Variants in SPATS2L observed in about 807,000 individuals in gnomAD.
The protein encoded by SPATS2L is spermatogenesis associated serine rich 2 like.
SPATS2L carries 30 observed loss-of-function variants against 59.6 expected under a neutral mutation model. The ratio of observed to expected loss-of-function variants is 0.50; its 90% CI spans 0.38 to 0.68. The LOEUF is 0.68. SPATS2L is among the 30% of genes least tolerant of loss of function. SPATS2L has a pLI of 0.00. For synonymous variants in SPATS2L, 252 were observed against 263.5 expected, an observed-to-expected ratio of 0.96 and a Z score of 0.42; for missense variants, 615 against 700.0, an observed-to-expected ratio of 0.88 and a Z score of 1.37.
At chr2:200,395,797 G>A (rs2082310852) in intron 3 of SPATS2L, among the ~76,000 whole-genome samples, 1 of 151,626 alleles carries the variant, frequency 6.6e-6, no homozygotes, top group African/African-American at 2.4e-5. Flanking sequence ...GATCACCTGA[G>A]GTTAGGAGAT....
At chr2:200,324,023 G>A (rs1387669064) in intron 1 of SPATS2L, among the ~76,000 whole-genome samples, 2 of 152,138 alleles carry the variant, frequency 1.3e-5, no homozygotes, top group Non-Finnish European at 2.9e-5. Context: ...ATGTAGTGAA[G>A]GGCTCAGAAA....
chr2:200,349,351 G>T (rs1377953712), intron 2 of SPATS2L, among the ~76,000 whole-genome samples: 1 of 152,150 alleles, frequency 6.6e-6, no homozygotes, highest in Non-Finnish European at 1.5e-5. Context: ...TCAAAGACAC[G>T]TAGGCCGGGC....
chr2:200,325,049 T>C (rs1339112667), intron 1 of SPATS2L, among the ~76,000 whole-genome samples: 1 of 152,146 alleles, frequency 6.6e-6, no homozygotes, highest in Non-Finnish European at 1.5e-5. Flanking sequence ...ATATATTTTA[T>C]CATAAACCTG....
At chr2:200,428,243 G>A (rs1008524522) in intron 6 of SPATS2L, among the ~76,000 whole-genome samples, 2 of 152,190 alleles carry the variant, frequency 1.3e-5, no homozygotes, top group Non-Finnish European at 2.9e-5. Context: ...TAGGTAAGCT[G>A]TTATAGGTAA....
chr2:200,362,218 A>G (rs1404156338), intron 2 of SPATS2L, among the ~76,000 whole-genome samples: 1 of 152,226 alleles, frequency 6.6e-6, no homozygotes, highest in Non-Finnish European at 1.5e-5. Context: ...ACTGCACTGT[A>G]GCCTGGACAA....
intron 2 of SPATS2L, among the ~76,000 whole-genome samples, chr2:200,339,366 A>G (rs1177197349): frequency 6.6e-6 from 1 of 152,162 alleles, no homozygotes; most frequent in Non-Finnish European, 1.5e-5. Flanking sequence ...AAGACCCTTA[A>G]GGGATATCCT....
intron 2 of SPATS2L, among the ~76,000 whole-genome samples, chr2:200,357,406 G>A (rs1390248971): frequency 6.6e-6 from 1 of 152,128 alleles, no homozygotes; most frequent in Non-Finnish European, 1.5e-5. Flanking sequence ...CCTTACATTG[G>A]CAGAAGTTTG....
intron 8 of SPATS2L, among the ~76,000 whole-genome samples, chr2:200,448,435 C>G (rs2085212250): frequency 6.6e-6 from 1 of 152,198 alleles, no homozygotes; most frequent in South Asian, 2.1e-4. Flanking sequence ...GAACAAGACA[C>G]TGTCTAAACA....
chr2:200,459,750 TG>T lies in SPATS2L; in HGVS notation c.789-18del. 6.2e-7 allele frequency: 1 copy of T among 1,602,528 alleles called. No homozygotes were observed. Among genetic ancestry groups the T allele is most frequent in the Middle Eastern group, 1.7e-4 (1 of 6,046 alleles). ...ATTAAGCATTCTTTGCTTTTGTTTT[TG>T]TTTTTGTTTTTCCCCAGCATCATTG... is the stretch of plus-strand genomic sequence containing the variant. On this transcript the variant is annotated intron_variant, in intron 8 of 12. Transcript: ENST00000409140.
Position 200,479,336 on chromosome 2 carries a change from C to G in SPATS2L, c.*1305C>G. On this transcript the variant is annotated 3_prime_UTR_variant, in exon 13 of 13. Transcript: ENST00000409140. The stretch of plus-strand genomic sequence containing the variant: ...ACACTGTCCAGAGGAGAGAAGTTAT[C>G]CTAGTAGCTTCTACACAGAGCAAGT... The G allele has an allele frequency of 2.6e-6, 1 of 387,204 alleles. No individual in the cohort carries two copies. Among genetic ancestry groups the G allele is most frequent in the Non-Finnish European group, 4.6e-6 (1 of 219,284 alleles). The allele number at this position is 387,204 out of a possible 1,614,324, so 24.0% of individuals were successfully genotyped here. A position where few individuals can be genotyped will look rare whatever the true frequency, so the allele number is the denominator to read the frequency against.
At chr2:200,412,920 A>C (rs1296703106) in intron 4 of SPATS2L, among the ~76,000 whole-genome samples, 4 of 152,100 alleles carry the variant, frequency 2.6e-5, no homozygotes, top group Non-Finnish European at 5.9e-5. Flanking sequence ...AGCCAGGCAT[A>C]GTAATGCACG....
At chr2:200,407,569 C>T (rs6729172) in intron 3 of SPATS2L, among the ~76,000 whole-genome samples, 38 of 152,272 alleles carry the variant, frequency 2.5e-4, no homozygotes, top group African/African-American at 8.4e-4. Context: ...TGTCTGTCTG[C>T]TAAGCTGAGC....
intron 2 of SPATS2L, among the ~76,000 whole-genome samples, chr2:200,357,397 C>T (rs1391008081): frequency 6.6e-6 from 1 of 152,184 alleles, no homozygotes; most frequent in Non-Finnish European, 1.5e-5. Flanking sequence ...GCCTTCCTCC[C>T]TTACATTGGC....
intron 6 of SPATS2L, among the ~76,000 whole-genome samples, chr2:200,421,797 A>C (rs2083315638): frequency 6.6e-6 from 1 of 152,250 alleles, no homozygotes. Context: ...AAAGAAATTA[A>C]ATAATCGAGT....
intron 8 of SPATS2L, among the ~76,000 whole-genome samples, chr2:200,452,144 C>G (rs1379579384): frequency 6.6e-6 from 1 of 152,086 alleles, no homozygotes; most frequent in Non-Finnish European, 1.5e-5. Context: ...TTTTTATAGT[C>G]AAAGACACTG....
chr2:200,339,754 CAGA>C (rs764088155), intron 2 of SPATS2L, among the ~76,000 whole-genome samples: 2 of 152,088 alleles, frequency 1.3e-5, no homozygotes, highest in Admixed American at 6.5e-5. Context: ...CCATGTGGGC[CAGA>C]AGATCATGTT....
At chr2:200,346,856 T>G (rs887723909) in intron 2 of SPATS2L, among the ~76,000 whole-genome samples, 1 of 151,938 alleles carries the variant, frequency 6.6e-6, no homozygotes, top group Non-Finnish European at 1.5e-5. Context: ...TTTTTCTCTA[T>G]AAGAAGAAAT....
rs571306543 is a variant in SPATS2L, at chr2:200,306,697, G to T, written c.-298G>T. The T allele has an allele frequency of 9.9e-5, 98 of 985,196 alleles. No individual in the cohort carries two copies. In the South Asian group the frequency reaches 2.3e-3, roughly 23 times the overall value. The allele number at this position is 985,196 out of a possible 1,614,324, so 61.0% of individuals were successfully genotyped here. A position where few individuals can be genotyped will look rare whatever the true frequency, so the allele number is the denominator to read the frequency against. ...TGCGTGGGGCGGCCGAGCCGGAGTTGTGTCAGTGAAGGAATCCAGTCCGGG... is the reference window on the plus strand; with the variant it reads ...TGCGTGGGGCGGCCGAGCCGGAGTTTTGTCAGTGAAGGAATCCAGTCCGGG... On this transcript the variant is annotated 5_prime_UTR_variant, in exon 1 of 13. Coordinates refer to ENST00000409140, the MANE Select transcript of SPATS2L (RefSeq NM_001100423.2).
At chr2:200,329,868 G>A (rs2105792105) in intron 2 of SPATS2L, among the ~76,000 whole-genome samples, 1 of 152,044 alleles carries the variant, frequency 6.6e-6, no homozygotes, top group Admixed American at 6.5e-5. Context: ...GAGCCAGACT[G>A]CCTGGCTTTC....
Sources: gnomAD v4.1 joint callset for allele counts (sites outside exome capture counted in the v4.1 genomes callset) on GRCh38, gnomAD v4.1.1 for gene constraint, MANE v1.5 for transcripts, NCBI Gene and HGNC (gene_info 2026-07-23, HGNC 2026-07-21) for gene names.